The following PEMT variants were observed in gnomAD, a reference collection of about 807,000 sequenced individuals.
The protein encoded by PEMT is phosphatidylethanolamine N-methyltransferase, also known as phospholipid methyltransferase.
PEMT carries 23 observed loss-of-function variants against 27.4 expected under a neutral mutation model. The ratio of observed to expected loss-of-function variants is 0.84; its 90% CI spans 0.60 to 1.19. The LOEUF (loss-of-function observed/expected upper bound fraction) is 1.19. Among genes scored for constraint, PEMT ranks in the 50% most tolerant of loss-of-function variants. The pLI, the probability that PEMT is intolerant of heterozygous loss-of-function variation, is 0.00. For missense variants in PEMT, 307 were observed against 310.1 expected, an observed-to-expected ratio of 0.99 and a Z score of 0.07; for synonymous variants, 137 against 139.1, an observed-to-expected ratio of 0.98 and a Z score of 0.11.
At chr17:17,521,534 A>G (rs1334562619) in intron 3 of PEMT, among the ~76,000 whole-genome samples, 1 of 152,042 alleles carries the variant, frequency 6.6e-6, no homozygotes. Context: ...GCCTGTCCCA[A>G]GTCCAGAGAT....
chr17:17,528,219 A>G (rs1444916243), intron 2 of PEMT, among the ~76,000 whole-genome samples: 2 of 152,060 alleles, frequency 1.3e-5, no homozygotes, highest in Non-Finnish European at 1.5e-5. Context: ...TTGCCTCCCG[A>G]ACCGCCCCCA....
intron 2 of PEMT, among the ~76,000 whole-genome samples, chr17:17,562,359 G>A (rs898780626): frequency 6.6e-6 from 1 of 152,144 alleles, no homozygotes; most frequent in Non-Finnish European, 1.5e-5. Context: ...TGACTATGAG[G>A]CTGACCACCG....
rs535921678 is a variant in PEMT, at chr17:17,563,042, G to A, written c.204+13878C>T. Among the ~76,000 whole-genome samples the A allele has an allele frequency of 5.3e-5, 8 of 152,252 alleles. No individual in the cohort carries two copies. In the South Asian group the frequency reaches 1.2e-3, roughly 24 times the overall value. On this transcript the variant is annotated intron_variant, in intron 2 of 6. Coordinates refer to ENST00000255389, the MANE Select transcript of PEMT (RefSeq NM_148172.3). Reference sequence around the variant, plus strand: ...TCAAGTGGCTGCTGGTGACTCTGACGCCTGCCTTGGACACTTACCTTGTGA... The same window carrying A: ...TCAAGTGGCTGCTGGTGACTCTGACACCTGCCTTGGACACTTACCTTGTGA...
chr17:17,512,444 G>A lies in PEMT; in HGVS notation c.466+65C>T. ...ACGGATAGCAGGGCAGCAGCCACCT[G>A]GCCCTGCACCTCCCTGGGGCTCCAG... On this transcript the variant is annotated intron_variant, in intron 4 of 6. Coordinates refer to ENST00000255389, the MANE Select transcript of PEMT (RefSeq NM_148172.3). This position sits in a 1 kb window ranked among gnomAD's most constrained non-coding sequence, Gnocchi z 6.3. 4 of 1,379,854 alleles carry A rather than the reference G, an allele frequency of 2.9e-6. No homozygotes were observed. The highest frequency in any genetic ancestry group is 3.8e-6 in the Non-Finnish European group (4 of 1,045,446). 85.5% of individuals were successfully genotyped at this position (1,379,854 alleles called of 1,614,324 possible).
Position 17,582,764 on chromosome 17 carries a change from C to T in PEMT, c.97-5737G>A, listed in dbSNP as rs1912045434. Among the ~76,000 whole-genome samples, 1 of 152,176 alleles carries T rather than the reference C, an allele frequency of 6.6e-6. No homozygotes were observed. The highest frequency in any genetic ancestry group is 1.9e-4 in the East Asian group (1 of 5,186). Reference sequence around the variant, plus strand: ...GGATGAGTGTGCCAGAGTCTTTTTCCTCTAAGTTTATTCTCTGGGCCGGGC... The same window carrying T: ...GGATGAGTGTGCCAGAGTCTTTTTCTTCTAAGTTTATTCTCTGGGCCGGGC... On this transcript the variant is annotated intron_variant, in intron 1 of 6. Transcript: ENST00000255389. The surrounding 1 kb of genome is among the most constrained non-coding windows in gnomAD (Gnocchi z 4.9).
At position 17,512,673 on chromosome 17, in the gene PEMT, G is replaced by A; in HGVS notation, c.321-19C>T. The A allele has an allele frequency of 6.7e-7, 1 of 1,498,066 alleles. No individual in the cohort carries two copies. Among genetic ancestry groups the A allele is most frequent in the Non-Finnish European group, 9.0e-7 (1 of 1,115,526 alleles). The allele number at this position is 1,498,066 out of a possible 1,614,324, so 92.8% of individuals were successfully genotyped here. On this transcript the variant is annotated intron_variant, in intron 3 of 6. Coordinates refer to ENST00000255389, the MANE Select transcript of PEMT (RefSeq NM_148172.3). This position sits in a 1 kb window ranked among gnomAD's most constrained non-coding sequence, Gnocchi z 6.3. ...CGTGAAGCTGTGGGCAGGGGATGGA[G>A]AGGGAGGACGTCATGGCCAGGGAGG...
chr17:17,506,415 G>C, intron 5 of PEMT, 114 bp from the exon 6 acceptor site: 2 of 687,746 alleles, frequency 2.9e-6, no homozygotes, highest in South Asian at 3.8e-5. Context: ...GCCGACGCTG[G>C]GCCACTTGGG....
Position 17,528,991 on chromosome 17 carries a change from G to A in PEMT, c.205-6596C>T, listed in dbSNP as rs192456580. Among the ~76,000 whole-genome samples the A allele has an allele frequency of 5.4e-4, 83 of 152,334 alleles. 2 individuals carry two copies. The highest frequency in any genetic ancestry group is 1.9e-4 in the East Asian group (1 of 5,180). ...GTGCACGCCAAGTGCTGTCCACACCGCGCATCCCAGCGGGGCCTGGACCCC... is the reference window on the plus strand; with the variant it reads ...GTGCACGCCAAGTGCTGTCCACACCACGCATCCCAGCGGGGCCTGGACCCC... On this transcript the variant is annotated intron_variant, in intron 2 of 6. Transcript: ENST00000255389.
chr17:17,538,765 A>G (rs1908673057), intron 2 of PEMT, among the ~76,000 whole-genome samples: 1 of 152,256 alleles, frequency 6.6e-6, no homozygotes, highest in Non-Finnish European at 1.5e-5. Context: ...AGTGACTCCA[A>G]CTATTAACCA....
At chr17:17,585,224 G>C (rs1381743321) in intron 1 of PEMT, among the ~76,000 whole-genome samples, 1 of 152,226 alleles carries the variant, frequency 6.6e-6, no homozygotes, top group Non-Finnish European at 1.5e-5. Flanking sequence ...TGTAATCCCA[G>C]CTACTCTGGA....
At position 17,561,688 on chromosome 17, in the gene PEMT, T is replaced by C. The variant is rs1910483125; in HGVS notation, c.204+15232A>G. ...CCAGGAACCTTGCCCAGGTCCGTCT[T>C]GCTATCAAAGGCAGGACAGACCTGT... On this transcript the variant is annotated intron_variant, in intron 2 of 6. Coordinates refer to ENST00000255389, the MANE Select transcript of PEMT (RefSeq NM_148172.3). This position sits in a 1 kb window ranked among gnomAD's most constrained non-coding sequence, Gnocchi z 4.5. Among the ~76,000 whole-genome samples the C allele has an allele frequency of 6.6e-6, 1 of 152,102 alleles. No homozygotes were observed.
intron 2 of PEMT, among the ~76,000 whole-genome samples, chr17:17,566,700 C>T (rs1036083662): frequency 1.3e-5 from 2 of 152,210 alleles, no homozygotes; most frequent in Non-Finnish European, 1.5e-5. Context: ...GAGAAGAACG[C>T]GTCTGCAGAA....
chr17:17,576,357 A>C (rs1911587879), intron 2 of PEMT, among the ~76,000 whole-genome samples: 1 of 152,102 alleles, frequency 6.6e-6, no homozygotes, highest in Admixed American at 6.5e-5. Flanking sequence ...ACCCATCACG[A>C]GCTGGTGCCA....
intron 1 of PEMT, among the ~76,000 whole-genome samples, chr17:17,588,881 G>A (rs1912457011): frequency 1.3e-5 from 2 of 152,238 alleles, no homozygotes; most frequent in Admixed American, 6.5e-5. Context: ...GCAACAAGGA[G>A]CAAAAGGGCC....
chr17:17,587,893 A>T (rs752536088), intron 1 of PEMT, among the ~76,000 whole-genome samples: 7 of 152,254 alleles, frequency 4.6e-5, no homozygotes, highest in East Asian at 1.9e-4. Context: ...TAAAATAAAT[A>T]AATTAATTAA....
intron 3 of PEMT, chr17:17,519,134 T>G (rs568657387): frequency 6.6e-6 from 1 of 152,272 alleles, no homozygotes; most frequent in East Asian, 1.9e-4. Context: ...AACAGCCCGG[T>G]CCGGCTCCAG....
At chr17:17,507,279 C>A (rs181400113) in intron 5 of PEMT, 15 of 1,203,114 alleles carry the variant, frequency 1.2e-5, no homozygotes, top group Non-Finnish European at 1.5e-5. Flanking sequence ...GCACAGAGGG[C>A]GCATGGGCAG....
chr17:17,570,680 C>T, intron 2 of PEMT: 1 of 985,362 alleles, frequency 1.0e-6, no homozygotes, highest in Non-Finnish European at 1.2e-6. Context: ...AGGACGCCTG[C>T]CAGAAGGGCC....
intron 1 of PEMT, among the ~76,000 whole-genome samples, 196 bp from the exon 2 acceptor site, chr17:17,577,223 G>T (rs1238852929): frequency 6.6e-6 from 1 of 152,170 alleles, no homozygotes; most frequent in African/African-American, 2.4e-5. Flanking sequence ...GTCATGTCCT[G>T]GGAGGGCGGC....
Sources: allele counts gnomAD v4.1 joint callset (sites outside exome capture counted in the v4.1 genomes callset), GRCh38; gene constraint gnomAD v4.1.1; non-coding constraint Gnocchi (gnomAD v3.1); transcripts MANE v1.5; gene names NCBI Gene and HGNC (gene_info 2026-07-23, HGNC 2026-07-21).